IL1RAPL2: variants seen among roughly 807,000 people sequenced by gnomAD.
IL1RAPL2 encodes interleukin 1 receptor accessory protein like 2.
A neutral mutation model predicts 44.1 loss-of-function variants in IL1RAPL2; 3 were observed. The ratio of observed to expected loss-of-function variants is 0.07; its 90% CI spans 0.03 to 0.18. The LOEUF (loss-of-function observed/expected upper bound fraction) is 0.18. IL1RAPL2 is among the 10% of genes least tolerant of loss of function. IL1RAPL2 has a pLI of 1.00. For synonymous variants in IL1RAPL2, 181 were observed against 178.8 expected, an observed-to-expected ratio of 1.01 and a Z score of -0.10; for missense variants, 391 against 496.4, an observed-to-expected ratio of 0.79 and a Z score of 2.02.
chrX:105,274,842 A>T (rs1413418977), intron 5 of IL1RAPL2, among the ~76,000 whole-genome samples: 1 of 111,492 alleles, frequency 9.0e-6, no homozygotes, highest in African/African-American at 3.3e-5. Flanking sequence ...TCAAAGTTAA[A>T]CAGTCATCTT....
At chrX:105,653,006 TA>T (rs2037651749) in intron 6 of IL1RAPL2, among the ~76,000 whole-genome samples, 1 of 111,324 alleles carries the variant, frequency 9.0e-6, no homozygotes, top group African/African-American at 3.3e-5. Context: ...TGTATACAAA[TA>T]CTGTGCTGTA....
rs993340992 is a variant in IL1RAPL2, at chrX:105,767,094, C to T, written c.1494C>T (p.Val498=). The T allele has an allele frequency of 8.3e-6, 10 of 1,206,574 alleles. No homozygotes were observed. Among genetic ancestry groups the T allele is most frequent in the Non-Finnish European group, 1.1e-5 (10 of 892,342 alleles). The change falls in exon 11 of 11, where the codon GTC becomes GTT. Residue 498 remains valine, a synonymous_variant. Coordinates refer to ENST00000372582, the MANE Select transcript of IL1RAPL2 (RefSeq NM_017416.2). ...AAAGCAGACTCCATAACATGCTAGTCAGTGGAGAAATCAAAGTGATTTTGA... is the reference window on the plus strand; with the variant it reads ...AAAGCAGACTCCATAACATGCTAGTTAGTGGAGAAATCAAAGTGATTTTGA... ...ELESRLHNML[V]SGEIKVILIE...
chrX:104,646,827 G>A (rs1159831755), intron 1 of IL1RAPL2, among the ~76,000 whole-genome samples: 1 of 111,575 alleles, frequency 9.0e-6, no homozygotes, highest in East Asian at 2.8e-4. Flanking sequence ...TAATTGGCCA[G>A]AACCAGATGC....
At chrX:105,692,553 C>G (rs1347884104) in intron 6 of IL1RAPL2, among the ~76,000 whole-genome samples, 2 of 110,959 alleles carry the variant, frequency 1.8e-5, no homozygotes, top group East Asian at 5.7e-4. Context: ...GCTTTGAGTT[C>G]CCAGTCTAGG....
intron 7 of IL1RAPL2, among the ~76,000 whole-genome samples, chrX:105,729,483 A>T (rs914898584): frequency 9.0e-6 from 1 of 111,202 alleles, no homozygotes; most frequent in Non-Finnish European, 1.9e-5. Flanking sequence ...CTTATTTGTT[A>T]TCTGTGTATC....
At chrX:105,686,380 C>CAAAAAAAAAAA (rs1177667576) in intron 6 of IL1RAPL2, among the ~76,000 whole-genome samples, 18 of 25,176 alleles carry the variant, frequency 7.1e-4, no homozygotes, top group Non-Finnish European at 7.4e-4. Flanking sequence ...AAATGGAAAG[C>CAAAAAAAAAAA]AAAAAAAAAA....
intron 6 of IL1RAPL2, among the ~76,000 whole-genome samples, chrX:105,639,555 T>A (rs1477014043): frequency 9.0e-6 from 1 of 111,644 alleles, no homozygotes; most frequent in Non-Finnish European, 1.9e-5. Flanking sequence ...TATAATACTT[T>A]ATAAAAATGG....
intron 2 of IL1RAPL2, among the ~76,000 whole-genome samples, chrX:105,067,803 G>A (rs1317046059): frequency 9.6e-6 from 1 of 104,132 alleles, no homozygotes; most frequent in Non-Finnish European, 1.9e-5. Flanking sequence ...ACGCGCGCAT[G>A]CATGCACACA....
intron 10 of IL1RAPL2, among the ~76,000 whole-genome samples, chrX:105,764,334 G>A (rs909704148): frequency 4.5e-5 from 5 of 111,706 alleles, no homozygotes; most frequent in African/African-American, 1.6e-4. Flanking sequence ...GATGAAAGGG[G>A]AGAACCATAC....
At chrX:105,346,360 AT>A (rs1368849615) in intron 5 of IL1RAPL2, among the ~76,000 whole-genome samples, 1 of 111,989 alleles carries the variant, frequency 8.9e-6, no homozygotes, top group Non-Finnish European at 1.9e-5. Flanking sequence ...ATGAGCAGTA[AT>A]TTTTTTGTTA....
chrX:105,024,688 T>C (rs1222370039), intron 2 of IL1RAPL2, among the ~76,000 whole-genome samples: 1 of 111,614 alleles, frequency 9.0e-6, no homozygotes, highest in African/African-American at 3.2e-5. Flanking sequence ...TTGTTACCAA[T>C]AACTGAAAGC....
chrX:104,969,913 T>A (rs190930409), intron 2 of IL1RAPL2, among the ~76,000 whole-genome samples: 1 of 108,314 alleles, frequency 9.2e-6, no homozygotes, highest in Admixed American at 9.8e-5. Context: ...CATACACTAG[T>A]TTTTTTTTTC....
At chrX:104,921,297 C>A (rs764051276) in intron 2 of IL1RAPL2, among the ~76,000 whole-genome samples, 1 of 105,067 alleles carries the variant, frequency 9.5e-6, no homozygotes, top group South Asian at 4.7e-4. Flanking sequence ...CTGCTGTCTG[C>A]TAGGCTTGGA....
At chrX:105,502,770 G>A (rs1228960752) in intron 6 of IL1RAPL2, among the ~76,000 whole-genome samples, 1 of 109,137 alleles carries the variant, frequency 9.2e-6, no homozygotes, top group Non-Finnish European at 1.9e-5. Flanking sequence ...ATGGTGTCTA[G>A]ATTTCTGGGG....
chrX:104,671,756 C>A (rs1406497459), intron 2 of IL1RAPL2, among the ~76,000 whole-genome samples: 1 of 111,784 alleles, frequency 8.9e-6, no homozygotes, highest in Non-Finnish European at 1.9e-5. Flanking sequence ...CCCTAGCAGT[C>A]TTTAGGAGCA....
intron 2 of IL1RAPL2, among the ~76,000 whole-genome samples, chrX:104,684,852 A>C (rs1039604969): frequency 1.8e-5 from 2 of 111,724 alleles, no homozygotes; most frequent in Non-Finnish European, 3.8e-5. Flanking sequence ...TAACTTCCAC[A>C]CTCTGATTTG....
chrX:105,499,078 C>A (rs1458450150), intron 6 of IL1RAPL2, among the ~76,000 whole-genome samples: 2 of 111,154 alleles, frequency 1.8e-5, no homozygotes, highest in Non-Finnish European at 3.8e-5. Flanking sequence ...CTGAAACAAT[C>A]CCCCCGATAC....
intron 2 of IL1RAPL2, among the ~76,000 whole-genome samples, chrX:104,956,087 G>T (rs997855063): frequency 2.6e-4 from 29 of 112,098 alleles, no homozygotes; most frequent in African/African-American, 8.8e-4. Flanking sequence ...ATACATTTGA[G>T]TGCTTGCCAC....
chrX:105,373,948 G>A (rs770048925), intron 5 of IL1RAPL2, among the ~76,000 whole-genome samples: 14 of 108,683 alleles, frequency 1.3e-4, no homozygotes, highest in African/African-American at 2.0e-4. Context: ...GTGAAACCCC[G>A]TCTCTACTAA....
Sources: allele counts gnomAD v4.1 joint callset (sites outside exome capture counted in the v4.1 genomes callset), GRCh38; gene constraint gnomAD v4.1.1; transcripts MANE v1.5; gene names NCBI Gene and HGNC (gene_info 2026-07-23, HGNC 2026-07-21).